Variants in BCO1 observed in about 807,000 individuals in gnomAD.
BCO1 encodes the protein beta,beta-carotene 15,15'-dioxygenase.
BCO1 carries 54 observed loss-of-function variants against 56.3 expected under a neutral mutation model. The observed-to-expected ratio is 0.96, with a 90% CI of 0.77 to 1.20. BCO1 has a LOEUF of 1.20. Among genes scored for constraint, BCO1 ranks in the 50% most tolerant of loss-of-function variants. The pLI, the probability that BCO1 is intolerant of heterozygous loss-of-function variation, is 0.00. For missense variants in BCO1, 801 were observed against 690.9 expected, an observed-to-expected ratio of 1.16 and a Z score of -1.79; for synonymous variants, 318 against 266.1, an observed-to-expected ratio of 1.20 and a Z score of -1.90.
intron 2 of BCO1, among the ~76,000 whole-genome samples, chr16:81,259,110 G>C (rs1257046839): frequency 6.6e-6 from 1 of 152,136 alleles, no homozygotes; most frequent in Non-Finnish European, 1.5e-5. Flanking sequence ...GCTTCAACAT[G>C]AGATTTGCAA....
intron 2 of BCO1, among the ~76,000 whole-genome samples, chr16:81,258,974 A>G (rs975218745): frequency 3.3e-5 from 5 of 152,052 alleles, no homozygotes; most frequent in African/African-American, 1.2e-4. Context: ...TCTTTTAAAC[A>G]ACCAGATGTT....
At chr16:81,268,781 TG>T (rs767261683) in intron 6 of BCO1, among the ~76,000 whole-genome samples, 38 of 152,054 alleles carry the variant, frequency 2.5e-4, no homozygotes, top group Non-Finnish European at 5.0e-4. Context: ...GTTTTTATTG[TG>T]GGGGGGTTGT....
chr16:81,239,861 C>A (rs1383220340), intron 1 of BCO1, among the ~76,000 whole-genome samples: 1 of 152,130 alleles, frequency 6.6e-6, no homozygotes, highest in Non-Finnish European at 1.5e-5. Flanking sequence ...CTCTAAAGGG[C>A]AGTTCCTGGT....
chr16:81,251,649 C>G (rs1041228120), intron 2 of BCO1, among the ~76,000 whole-genome samples: 4 of 151,920 alleles, frequency 2.6e-5, no homozygotes, highest in Non-Finnish European at 5.9e-5. Flanking sequence ...GTGAAGGGTA[C>G]AAGAACACTC....
intron 1 of BCO1, among the ~76,000 whole-genome samples, chr16:81,242,944 T>C (rs1905205215): frequency 6.6e-6 from 1 of 152,046 alleles, no homozygotes; most frequent in African/African-American, 2.4e-5. Flanking sequence ...AATCGACCCC[T>C]CAACCCCACC....
At chr16:81,280,033 C>T (rs570038363) in intron 7 of BCO1, among the ~76,000 whole-genome samples, 6 of 151,958 alleles carry the variant, frequency 3.9e-5, no homozygotes, top group East Asian at 1.9e-4. Context: ...GAGGCCGAGG[C>T]GGGTGGATCA....
intron 5 of BCO1, among the ~76,000 whole-genome samples, chr16:81,265,143 C>G (rs541627134): frequency 6.6e-6 from 1 of 152,024 alleles, no homozygotes; most frequent in Admixed American, 6.5e-5. Context: ...CATCTATCCA[C>G]CATTCATTCA....
Position 81,290,403 on chromosome 16 carries a change from C to G in BCO1, c.1470C>G (p.Leu490=). The change falls in exon 11 of 11, where the codon CTC becomes CTG. Residue 490 remains leucine, a synonymous_variant. Transcript: ENST00000258168. ...ATCCCCAAAAGCTGCCTTTTCTGCT[C>G]ATTCTGGATGCCAAAAGCTTTACGG... is the stretch of plus-strand genomic sequence containing the variant. ...STDPQKLPFL[L]ILDAKSFTEL... is the part of the protein sequence containing the mutation. The G allele has an allele frequency of 1.2e-6, 2 of 1,614,204 alleles. No homozygotes were observed. The highest frequency in any genetic ancestry group is 1.7e-6 in the Non-Finnish European group (2 of 1,180,048).
chr16:81,254,984 A>T (rs1280493451), intron 2 of BCO1, among the ~76,000 whole-genome samples: 1 of 152,050 alleles, frequency 6.6e-6, no homozygotes, highest in Non-Finnish European at 1.5e-5. Context: ...GGGTCTCGCC[A>T]TGCTGCCCAA....
intron 5 of BCO1, among the ~76,000 whole-genome samples, chr16:81,267,654 G>C (rs1457782994): frequency 2.6e-5 from 4 of 152,068 alleles, no homozygotes; most frequent in Non-Finnish European, 4.4e-5. Context: ...CAGGCTATAG[G>C]TGAAGACCCC....
intron 5 of BCO1, 110 bp from the exon 6 acceptor site, chr16:81,267,798 T>C (rs1906919905): frequency 1.1e-6 from 1 of 905,838 alleles, no homozygotes; most frequent in Non-Finnish European, 1.8e-6. Context: ...TGCTGTTTAA[T>C]GTAAAGGTTT....
chr16:81,245,417 T>C, intron 1 of BCO1, 58 bp from the exon 2 acceptor site: 3 of 1,613,832 alleles, frequency 1.9e-6, no homozygotes, highest in Non-Finnish European at 2.5e-6. Flanking sequence ...TGACCATTTC[T>C]TCCAGCATTT....
intron 2 of BCO1, among the ~76,000 whole-genome samples, chr16:81,250,701 C>G (rs996843308): frequency 2.0e-5 from 3 of 151,586 alleles, no homozygotes; most frequent in South Asian, 4.2e-4. Context: ...GTGCCTCGGC[C>G]TCTGGAGTAG....
chr16:81,263,817 G>C (rs1367159162), intron 4 of BCO1: 1 of 152,226 alleles, frequency 6.6e-6, no homozygotes, highest in Admixed American at 6.5e-5. Flanking sequence ...AAATTCCGAT[G>C]TCTCTGCAAT....
chr16:81,240,835 A>AT (rs1455654210), intron 1 of BCO1, among the ~76,000 whole-genome samples: 14 of 37,940 alleles, frequency 3.7e-4, no homozygotes, highest in Non-Finnish European at 6.2e-4. Flanking sequence ...ATTTAATTTT[A>AT]ATTTTTTTTT....
chr16:81,279,069 G>A (rs1014309606), intron 7 of BCO1, among the ~76,000 whole-genome samples: 1 of 151,534 alleles, frequency 6.6e-6, no homozygotes. Flanking sequence ...TTGAGCCCAG[G>A]AGTTCGAGAC....
At chr16:81,243,866 T>G (rs1905247198) in intron 1 of BCO1, among the ~76,000 whole-genome samples, 1 of 152,222 alleles carries the variant, frequency 6.6e-6, no homozygotes, top group African/African-American at 2.4e-5. Context: ...CAGGAGGAAC[T>G]CAGGGAAACA....
At chr16:81,246,420 A>C (rs1011077306) in intron 2 of BCO1, among the ~76,000 whole-genome samples, 1 of 152,212 alleles carries the variant, frequency 6.6e-6, no homozygotes, top group Admixed American at 6.6e-5. Context: ...CCGCAAGCAC[A>C]GACTTTCCTA....
intron 1 of BCO1, among the ~76,000 whole-genome samples, chr16:81,241,624 C>T (rs1032136846): frequency 4.6e-5 from 7 of 152,150 alleles, no homozygotes; most frequent in African/African-American, 9.7e-5. Context: ...AGCCCTCAGG[C>T]GATTCCAAAG....
Sources: gnomAD v4.1 joint callset for allele counts (sites outside exome capture counted in the v4.1 genomes callset) on GRCh38, gnomAD v4.1.1 for gene constraint, MANE v1.5 for transcripts, NCBI Gene and HGNC (gene_info 2026-07-23, HGNC 2026-07-21) for gene names.